SHANK2: variants seen among roughly 807,000 people sequenced by gnomAD.
SHANK2 encodes SH3 and multiple ankyrin repeat domains protein 2.
SHANK2 carries 43 observed loss-of-function variants against 133.7 expected under a neutral mutation model. That is an observed-to-expected ratio of 0.32 (90% CI 0.25 to 0.41). SHANK2 has a LOEUF of 0.41. SHANK2 is among the 10% of genes least tolerant of loss of function. The pLI is 1.00. For missense variants in SHANK2, 1,994 were observed against 2,235.8 expected, an observed-to-expected ratio of 0.89 and a Z score of 2.18; for synonymous variants, 1,017 against 952.8, an observed-to-expected ratio of 1.07 and a Z score of -1.24.
At chr11:70,908,609 C>T (rs1260883675) in intron 10 of SHANK2, among the ~76,000 whole-genome samples, 2 of 152,108 alleles carry the variant, frequency 1.3e-5, no homozygotes, top group South Asian at 2.1e-4. Context: ...GCAGAAGCTC[C>T]GAAGGCTGCA....
At chr11:70,476,504 GCA>G (rs1198703950) in intron 25 of SHANK2, among the ~76,000 whole-genome samples, 30 of 152,170 alleles carry the variant, frequency 2.0e-4, no homozygotes, top group South Asian at 2.1e-4. Flanking sequence ...AGTCACAAGA[GCA>G]CAGTTTTGGG....
intron 14 of SHANK2, among the ~76,000 whole-genome samples, chr11:70,738,760 C>T (rs1946461795): frequency 6.6e-6 from 1 of 152,236 alleles, no homozygotes; most frequent in Non-Finnish European, 1.5e-5. Flanking sequence ...AGAACGCCCA[C>T]TGTGCCAGAA....
chr11:71,189,718 C>T (rs1358822642), intron 2 of SHANK2, among the ~76,000 whole-genome samples: 1 of 152,250 alleles, frequency 6.6e-6, no homozygotes, highest in Non-Finnish European at 1.5e-5. Context: ...CATGAGCCCA[C>T]CAACACTCAG....
chr11:70,750,008 T>C (rs1187011775), intron 14 of SHANK2, among the ~76,000 whole-genome samples: 1 of 152,190 alleles, frequency 6.6e-6, no homozygotes, highest in Non-Finnish European at 1.5e-5. Flanking sequence ...GTACTTCTAG[T>C]TCCAGGAAAG....
intron 2 of SHANK2, among the ~76,000 whole-genome samples, chr11:71,162,986 T>C (rs1953050485): frequency 6.9e-6 from 1 of 145,608 alleles, no homozygotes; most frequent in Non-Finnish European, 1.5e-5. Flanking sequence ...GGCAGGAGAA[T>C]GGCGTGAACC....
intron 17 of SHANK2, among the ~76,000 whole-genome samples, chr11:70,546,097 A>ATTTTTT (rs57144719): frequency 3.3e-4 from 45 of 137,556 alleles, no homozygotes; most frequent in Admixed American, 6.7e-4. Flanking sequence ...TATTTATTTA[A>ATTTTTT]TTTTTTTTTT....
Position 70,500,849 on chromosome 11 carries a change from T to C in SHANK2, c.2288-259A>G. The stretch of plus-strand genomic sequence containing the variant: ...ACTGCCTGGCAGTGGAAAGGGGCTT[T>C]CCTTCTTCCTCAGCACCCCTTGTCC... On this transcript the variant is annotated intron_variant, in intron 20 of 25. Coordinates refer to ENST00000601538, the MANE Select transcript of SHANK2 (RefSeq NM_012309.5). The surrounding 1 kb of genome is among the most constrained non-coding windows in gnomAD (Gnocchi z 4.5). 2 of 702,292 alleles carry C rather than the reference T, an allele frequency of 2.8e-6. No individual in the cohort carries two copies. Among genetic ancestry groups the C allele is most frequent in the Non-Finnish European group, 5.3e-6 (2 of 379,122 alleles). The allele number at this position is 702,292 out of a possible 1,614,324, so 43.5% of individuals were successfully genotyped here. A position where few individuals can be genotyped will look rare whatever the true frequency, so the allele number is the denominator to read the frequency against.
chr11:70,916,174 G>A (rs1262437522), intron 10 of SHANK2, among the ~76,000 whole-genome samples: 1 of 152,224 alleles, frequency 6.6e-6, no homozygotes, highest in African/African-American at 2.4e-5. Context: ...TGTGAATCCT[G>A]AGGGATAAAG....
intron 11 of SHANK2, among the ~76,000 whole-genome samples, chr11:70,846,643 CCCAGGTGCCTAACGG>C (rs1555063526): frequency 1.3e-5 from 2 of 152,136 alleles, no homozygotes; most frequent in Admixed American, 1.3e-4. Context: ...CTCCACAGAC[CCCAGGTGCCTAACGG>C]CCACCTCATC....
chr11:70,514,218 A>G (rs1254502312), intron 17 of SHANK2, among the ~76,000 whole-genome samples: 1 of 152,232 alleles, frequency 6.6e-6, no homozygotes, highest in Non-Finnish European at 1.5e-5. Flanking sequence ...CCTCTTGTAG[A>G]AGACGGCGGA....
At chr11:70,727,675 A>C (rs1946203994) in intron 14 of SHANK2, among the ~76,000 whole-genome samples, 1 of 152,206 alleles carries the variant, frequency 6.6e-6, no homozygotes, top group African/African-American at 2.4e-5. Flanking sequence ...GCATACGGTA[A>C]AAATGAGGTG....
intron 14 of SHANK2, among the ~76,000 whole-genome samples, chr11:70,747,368 A>G (rs1430128005): frequency 1.3e-5 from 2 of 152,170 alleles, no homozygotes; most frequent in African/African-American, 2.4e-5. Flanking sequence ...CGGAGAACAC[A>G]GTCCTGTTTT....
At chr11:71,146,997 G>T in intron 3 of SHANK2, 123 bp downstream of exon 3, 1 of 781,624 alleles carries the variant, frequency 1.3e-6, no homozygotes, top group Non-Finnish European at 2.0e-6. Flanking sequence ...AGCGAGGAAG[G>T]AGCACGGTGT....
At chr11:71,185,771 G>A (rs1436783334) in intron 2 of SHANK2, among the ~76,000 whole-genome samples, 1 of 151,906 alleles carries the variant, frequency 6.6e-6, no homozygotes, top group Non-Finnish European at 1.5e-5. Context: ...AATGCCTCTT[G>A]CACGTGACCC....
At chr11:71,219,159 G>A (rs192274191) in intron 2 of SHANK2, among the ~76,000 whole-genome samples, 51 of 152,314 alleles carry the variant, frequency 3.3e-4, no homozygotes, top group Admixed American at 8.5e-4. Flanking sequence ...ATGGTTCTAG[G>A]CAATGCGCTG....
intron 2 of SHANK2, among the ~76,000 whole-genome samples, chr11:71,183,922 G>C (rs143810796): frequency 6.6e-6 from 1 of 152,300 alleles, no homozygotes; most frequent in Non-Finnish European, 1.5e-5. Context: ...TCAACAAACT[G>C]GTTTCGTGGC....
At chr11:71,125,153 T>C in intron 3 of SHANK2, among the ~76,000 whole-genome samples, 1 of 152,112 alleles carries the variant, frequency 6.6e-6, no homozygotes, top group Admixed American at 6.6e-5. Context: ...CACAATAATA[T>C]TGAAATTAGG....
intron 14 of SHANK2, among the ~76,000 whole-genome samples, chr11:70,794,476 C>T (rs1273296812): frequency 6.6e-6 from 1 of 152,140 alleles, no homozygotes; most frequent in Non-Finnish European, 1.5e-5. Flanking sequence ...ACCACACTTG[C>T]TTCCGGTGTG....
chr11:70,772,034 C>G (rs782037818), intron 14 of SHANK2, among the ~76,000 whole-genome samples: 1 of 152,102 alleles, frequency 6.6e-6, no homozygotes, highest in African/African-American at 2.4e-5. Flanking sequence ...TGTGAGACCC[C>G]GGGCAAAATG....
Sources: gnomAD v4.1 joint callset for allele counts (sites outside exome capture counted in the v4.1 genomes callset) on GRCh38, gnomAD v4.1.1 for gene constraint, Gnocchi (gnomAD v3.1) non-coding constraint, MANE v1.5 for transcripts, NCBI Gene and HGNC (gene_info 2026-07-23, HGNC 2026-07-21) for gene names.